Variants in LRP1B observed in about 807,000 individuals in gnomAD.
The protein encoded by LRP1B is LDL receptor related protein 1B.
LRP1B carries 217 observed loss-of-function variants against 556.6 expected under a neutral mutation model. The ratio of observed to expected loss-of-function variants is 0.39; its 90% CI spans 0.35 to 0.44. LRP1B has a LOEUF of 0.44. Ranked by LOEUF, LRP1B falls within the 20% of genes least tolerant of loss-of-function variation. The pLI, the probability that LRP1B is intolerant of heterozygous loss-of-function variation, is 1.00. For missense variants in LRP1B, 5,053 were observed against 5,620.8 expected (o/e 0.90, Z 3.23); for synonymous variants, 2,047 against 1,865.8 (o/e 1.10, Z -2.50).
intron 41 of LRP1B, among the ~76,000 whole-genome samples, chr2:140,619,790 C>T (rs1683388604): frequency 1.3e-5 from 2 of 152,082 alleles, no homozygotes; most frequent in Non-Finnish European, 2.9e-5. Context: ...TTCCATCTTT[C>T]TATCACTTTA....
At chr2:142,118,405 C>T (rs1707346976) in intron 1 of LRP1B, among the ~76,000 whole-genome samples, 1 of 152,166 alleles carries the variant, frequency 6.6e-6, no homozygotes, top group Admixed American at 6.6e-5. Flanking sequence ...GTCTCCCCAG[C>T]TTCACAGCTA....
chr2:141,615,565 TA>T (rs200855129), intron 2 of LRP1B, among the ~76,000 whole-genome samples: 36,943 of 151,412 alleles, frequency 0.24, 5,208 homozygotes, highest in East Asian at 0.45. Flanking sequence ...TTATATTTAA[TA>T]TAATTCTTGA....
chr2:140,379,747 T>C (rs1683393083), intron 67 of LRP1B, among the ~76,000 whole-genome samples: 2 of 151,932 alleles, frequency 1.3e-5, no homozygotes, highest in Non-Finnish European at 2.9e-5. Flanking sequence ...GGAAGAACTA[T>C]AGAAAAAGTA....
intron 7 of LRP1B, among the ~76,000 whole-genome samples, chr2:141,138,542 A>T (rs1701545641): frequency 6.7e-6 from 1 of 148,166 alleles, no homozygotes; most frequent in African/African-American, 2.5e-5. Context: ...TAGAATTAGT[A>T]AATTTAGCAA....
At chr2:141,437,339 T>A (rs6726223) in intron 3 of LRP1B, among the ~76,000 whole-genome samples, 149,958 of 152,120 alleles carry the variant, frequency 0.99, 73,947 homozygotes, top group East Asian at 1. Flanking sequence ...AAGGAAAATA[T>A]TTTTTATTAT....
intron 3 of LRP1B, among the ~76,000 whole-genome samples, chr2:141,320,744 A>G (rs1490659853): frequency 1.3e-5 from 2 of 152,120 alleles, no homozygotes; most frequent in Non-Finnish European, 1.5e-5. Flanking sequence ...TTCTCTTGAC[A>G]TTCTACTTAC....
At chr2:140,377,516 A>G (rs2105181309) in intron 68 of LRP1B, among the ~76,000 whole-genome samples, 1 of 152,260 alleles carries the variant, frequency 6.6e-6, no homozygotes, top group East Asian at 1.9e-4. Flanking sequence ...ATATATAATC[A>G]TGTGTTGTTT....
At chr2:141,019,020 A>C (rs1479920220) in intron 12 of LRP1B, among the ~76,000 whole-genome samples, 1 of 151,972 alleles carries the variant, frequency 6.6e-6, no homozygotes, top group Non-Finnish European at 1.5e-5. Flanking sequence ...TCTTGAAACA[A>C]TAATATGTAA....
At chr2:142,119,454 T>C (rs1707379770) in intron 1 of LRP1B, among the ~76,000 whole-genome samples, 1 of 152,150 alleles carries the variant, frequency 6.6e-6, no homozygotes, top group Non-Finnish European at 1.5e-5. Flanking sequence ...ATTAAGCTGG[T>C]ACTCTGAAAT....
intron 35 of LRP1B, among the ~76,000 whole-genome samples, chr2:140,732,738 T>A (rs561842208): frequency 4.6e-5 from 7 of 152,160 alleles, no homozygotes; most frequent in African/African-American, 1.4e-4. Flanking sequence ...GCTGGCATTA[T>A]CAGGTAAATG....
intron 2 of LRP1B, among the ~76,000 whole-genome samples, chr2:141,518,645 T>C (rs1441209092): frequency 2.6e-5 from 4 of 152,108 alleles, no homozygotes; most frequent in African/African-American, 4.8e-5. Flanking sequence ...TGAGTGGTGA[T>C]AGAATAAAAG....
intron 1 of LRP1B, among the ~76,000 whole-genome samples, chr2:142,117,892 G>A (rs1707328929): frequency 6.6e-6 from 1 of 152,060 alleles, no homozygotes; most frequent in Non-Finnish European, 1.5e-5. Flanking sequence ...TTTTGTGTTT[G>A]CAAAGCTTGC....
At chr2:140,267,709 G>T (rs952854902) in intron 86 of LRP1B, among the ~76,000 whole-genome samples, 6 of 151,852 alleles carry the variant, frequency 4.0e-5, no homozygotes, top group Admixed American at 2.6e-4. Flanking sequence ...AGGGCTGATT[G>T]TATACACATT....
At chr2:141,534,720 G>T (rs1574054459) in intron 2 of LRP1B, among the ~76,000 whole-genome samples, 1 of 152,108 alleles carries the variant, frequency 6.6e-6, no homozygotes, top group African/African-American at 2.4e-5. Flanking sequence ...GTTGGCAGTT[G>T]CCCAGAGGCT....
chr2:141,163,080 C>T (rs977761255), intron 7 of LRP1B, among the ~76,000 whole-genome samples: 2 of 152,050 alleles, frequency 1.3e-5, no homozygotes, highest in Non-Finnish European at 2.9e-5. Flanking sequence ...GAGAATCAAG[C>T]CTAAGTTTAG....
chr2:140,476,738 A>G (rs997255780), intron 59 of LRP1B, among the ~76,000 whole-genome samples: 2 of 151,998 alleles, frequency 1.3e-5, no homozygotes, highest in African/African-American at 2.4e-5. Flanking sequence ...AAGAAGAAAT[A>G]TATTTCTGAT....
At chr2:140,734,105 A>C (rs917875990) in intron 35 of LRP1B, among the ~76,000 whole-genome samples, 1 of 152,232 alleles carries the variant, frequency 6.6e-6, no homozygotes, top group Non-Finnish European at 1.5e-5. Context: ...AATTGAAAAC[A>C]GACTCTTATT....
intron 1 of LRP1B, among the ~76,000 whole-genome samples, chr2:141,963,469 A>G (rs1701465363): frequency 6.6e-6 from 1 of 151,906 alleles, no homozygotes; most frequent in African/African-American, 2.4e-5. Context: ...AATCCAGCAT[A>G]TAAACAGAGC....
intron 1 of LRP1B, among the ~76,000 whole-genome samples, chr2:142,015,922 T>G (rs1450101758): frequency 7.5e-6 from 1 of 133,130 alleles, no homozygotes; most frequent in Non-Finnish European, 1.5e-5. Context: ...AGCCCGGGAG[T>G]CGGAGCTTGC....
Sources: allele counts gnomAD v4.1 joint callset (sites outside exome capture counted in the v4.1 genomes callset), GRCh38; gene constraint gnomAD v4.1.1; transcripts MANE v1.5; gene names NCBI Gene and HGNC (gene_info 2026-07-23, HGNC 2026-07-21).